Variants in UIMC1 observed in about 807,000 individuals in gnomAD.
The protein encoded by UIMC1 is ubiquitin interaction motif containing 1, also known as BRCA1-A complex subunit RAP80.
Under a neutral mutation model 84.9 loss-of-function variants are expected in UIMC1, and 42 were observed. That is an observed-to-expected ratio of 0.49 (90% CI 0.39 to 0.64). The LOEUF (loss-of-function observed/expected upper bound fraction) is 0.64. Ranked by LOEUF, UIMC1 falls within the 30% of genes least tolerant of loss-of-function variation. The pLI, the probability that UIMC1 is intolerant of heterozygous loss-of-function variation, is 0.00. For synonymous variants in UIMC1, 281 were observed against 293.0 expected (o/e 0.96, Z 0.42); for missense variants, 825 against 847.6 (o/e 0.97, Z 0.33).
intron 1 of UIMC1, among the ~76,000 whole-genome samples, chr5:177,000,659 C>T (rs536363856): frequency 6.6e-6 from 1 of 151,850 alleles, no homozygotes; most frequent in Non-Finnish European, 1.5e-5. Context: ...CACCACCACG[C>T]CCGGCTAATT....
intron 10 of UIMC1, among the ~76,000 whole-genome samples, chr5:176,917,908 G>A (rs190060395): frequency 2.0e-5 from 3 of 152,228 alleles, no homozygotes; most frequent in South Asian, 2.1e-4. Flanking sequence ...GTAGTAAGCC[G>A]AGATCATGTC....
At chr5:176,964,961 A>G (rs1581564066) in intron 6 of UIMC1, among the ~76,000 whole-genome samples, 1 of 152,222 alleles carries the variant, frequency 6.6e-6, no homozygotes, top group Non-Finnish European at 1.5e-5. Context: ...GTAACCCATA[A>G]TAAGTTTGAG....
chr5:176,918,532 C>G (rs187328962), intron 10 of UIMC1, among the ~76,000 whole-genome samples: 2 of 152,292 alleles, frequency 1.3e-5, no homozygotes, highest in African/African-American at 4.8e-5. Context: ...CATTTTCTGA[C>G]TTCCATGGTT....
intron 1 of UIMC1, among the ~76,000 whole-genome samples, chr5:176,984,421 G>A (rs1239955972): frequency 2.7e-5 from 4 of 146,706 alleles, no homozygotes; most frequent in Non-Finnish European, 6.0e-5. Context: ...CACCCCGTCT[G>A]GGAAGTGGGG....
At chr5:176,905,811 T>C (rs946389621) in intron 14 of UIMC1, 200 bp downstream of exon 14, 3 of 647,922 alleles carry the variant, frequency 4.6e-6, no homozygotes, top group Non-Finnish European at 7.9e-6. Flanking sequence ...CTCTGTTTGT[T>C]TTAACACAAT....
chr5:177,005,858 A>C (rs894644509), intron 1 of UIMC1, among the ~76,000 whole-genome samples: 1 of 151,424 alleles, frequency 6.6e-6, no homozygotes, highest in African/African-American at 2.4e-5. Context: ...ACTGCCCGGG[A>C]CTCGCGCCCC....
At chr5:176,970,556 A>C (rs1769055396) in intron 4 of UIMC1, 186 bp downstream of exon 4, 2 of 873,698 alleles carry the variant, frequency 2.3e-6, no homozygotes, top group South Asian at 3.1e-5. Flanking sequence ...ATATAGAATT[A>C]ACAAAATACT....
chr5:176,996,099 G>A (rs537488588), intron 1 of UIMC1, among the ~76,000 whole-genome samples: 21 of 152,056 alleles, frequency 1.4e-4, no homozygotes, highest in South Asian at 6.2e-4. Flanking sequence ...ATGAAAAATT[G>A]CTCAACAATA....
intron 1 of UIMC1, chr5:177,001,591 TAAATGTATATAGAAAGGC>T (rs1383701732): frequency 3.3e-5 from 5 of 152,068 alleles, no homozygotes; most frequent in Admixed American, 3.3e-4. Flanking sequence ...AAGCTTATTC[TAAATGTATATAGAAAGGC>T]ATGGGCCCCA....
intron 9 of UIMC1, 23 bp from the exon 10 acceptor site, chr5:176,943,511 A>G: frequency 6.2e-7 from 1 of 1,612,284 alleles, no homozygotes; most frequent in African/African-American, 1.3e-5. Flanking sequence ...ACAAACAGCA[A>G]TCATAACAGC....
intron 10 of UIMC1, among the ~76,000 whole-genome samples, chr5:176,938,189 CAAAAAAAAAAAAA>C (rs1170386962): frequency 1.8e-5 from 1 of 56,338 alleles, no homozygotes; most frequent in Non-Finnish European, 3.1e-5. Context: ...GACCCTGTCT[CAAAAAAAAAAAAA>C]AAAAAAAAAA....
rs536145575 is a variant in UIMC1, at chr5:176,981,634, CA to C, written c.147+834del. ...GCAACATGGCGAAACCCCATCTCTA[CA>C]AAAAAAAATACAAAAATTAGCCAGG... On this transcript the variant is annotated intron_variant, in intron 2 of 14. Coordinates refer to ENST00000511320, the MANE Select transcript of UIMC1 (RefSeq NM_001199298.2). 1.3e-4 allele frequency among the ~76,000 whole-genome samples: 19 copies of C among 149,554 alleles called. 1 individual carries two copies. The highest frequency in any genetic ancestry group is 8.7e-4 in the Admixed American group (13 of 14,962).
chr5:176,999,251 A>G (rs114583921), intron 1 of UIMC1, among the ~76,000 whole-genome samples: 114 of 152,278 alleles, frequency 7.5e-4, no homozygotes, highest in East Asian at 3.5e-3. Flanking sequence ...TTTTTAGCAT[A>G]TAAGTCTTAT....
intron 10 of UIMC1, among the ~76,000 whole-genome samples, chr5:176,933,132 C>A (rs568396739): frequency 2.8e-4 from 42 of 152,186 alleles, no homozygotes; most frequent in African/African-American, 9.9e-4. Flanking sequence ...TGAGAACTGA[C>A]GGGTGAGTGA....
intron 10 of UIMC1, among the ~76,000 whole-genome samples, chr5:176,925,193 A>G (rs911489181): frequency 3.3e-5 from 5 of 152,192 alleles, no homozygotes; most frequent in Non-Finnish European, 7.3e-5. Flanking sequence ...AATGGACAAA[A>G]CATTTGAACA....
chr5:177,005,755 T>C (rs353492), intron 1 of UIMC1, among the ~76,000 whole-genome samples: 41,603 of 151,812 alleles, frequency 0.27, 5,746 homozygotes, highest in Middle Eastern at 0.35. Context: ...CTTTTCACTT[T>C]TTCCGGGTGT....
chr5:176,937,451 C>T (rs1030691282), intron 10 of UIMC1, among the ~76,000 whole-genome samples: 1 of 152,070 alleles, frequency 6.6e-6, no homozygotes, highest in Non-Finnish European at 1.5e-5. Flanking sequence ...CGAGATCGTG[C>T]CACTGCACTC....
intron 2 of UIMC1, among the ~76,000 whole-genome samples, chr5:176,977,588 A>T (rs2149495400): frequency 6.8e-6 from 1 of 147,206 alleles, no homozygotes; most frequent in East Asian, 1.9e-4. Context: ...ATCTCAAAAA[A>T]AAAAAAAAAG....
At chr5:176,932,036 C>A (rs1763145890) in intron 10 of UIMC1, among the ~76,000 whole-genome samples, 1 of 152,108 alleles carries the variant, frequency 6.6e-6, no homozygotes, top group African/African-American at 2.4e-5. Flanking sequence ...CAGAGAGGAG[C>A]TCCTACATTA....
Sources: allele counts gnomAD v4.1 joint callset (sites outside exome capture counted in the v4.1 genomes callset), GRCh38; gene constraint gnomAD v4.1.1; transcripts MANE v1.5; gene names NCBI Gene and HGNC (gene_info 2026-07-23, HGNC 2026-07-21).